The following POU2AF3 variants were observed in gnomAD, a reference collection of about 807,000 sequenced individuals.
POU2AF3 encodes the protein POU class 2 homeobox associating factor 3.
the POU2AF3 span, among the ~76,000 whole-genome samples, chr11:111,302,615 C>T: frequency 2.0e-5 from 3 of 152,108 alleles, no homozygotes; most frequent in Non-Finnish European, 4.4e-5. Context: ...AGTAGTTTGA[C>T]TTATTTAAAT....
the POU2AF3 span, chr11:111,299,673 C>A: frequency 8.1e-7 from 1 of 1,230,952 alleles, no homozygotes; most frequent in East Asian, 3.2e-5. Context: ...CGCGGACTCG[C>A]CCCGGAGCCT....
the POU2AF3 span, chr11:111,306,672 T>A: frequency 7.3e-7 from 1 of 1,369,648 alleles, no homozygotes; most frequent in South Asian, 1.3e-5. Flanking sequence ...AACTATGGGG[T>A]AATAGTGCTT....
chr11:111,298,826 G>GGGGGGC, the POU2AF3 span: 29 of 790,956 alleles, frequency 3.7e-5, no homozygotes, highest in Non-Finnish European at 4.7e-5. Flanking sequence ...CGTACCCCAG[G>GGGGGGC]CCCCCGCCCG....
At chr11:111,299,803 C>A in the POU2AF3 span, 2,386 of 1,072,100 alleles carry the variant, frequency 2.2e-3, 26 homozygotes, top group Non-Finnish European at 1.7e-3. Context: ...GCGGAAAAGG[C>A]GGAGAAAAGG....
chr11:111,304,102 G>A, the POU2AF3 span, among the ~76,000 whole-genome samples: 1 of 152,042 alleles, frequency 6.6e-6, no homozygotes, highest in South Asian at 2.1e-4. Flanking sequence ...TAGAATGAAA[G>A]TAGGTTCCAA....
chr11:111,305,476 C>T, the POU2AF3 span, among the ~76,000 whole-genome samples: 1 of 152,194 alleles, frequency 6.6e-6, no homozygotes. Flanking sequence ...ATTACATAAA[C>T]ACTCCTACCT....
chr11:111,308,533 T>C, the POU2AF3 span: 3 of 1,275,250 alleles, frequency 2.4e-6, no homozygotes, highest in East Asian at 2.5e-5. Flanking sequence ...TAACACAATA[T>C]CCCAAGCACA....
the POU2AF3 span, chr11:111,306,448 G>A: frequency 6.7e-7 from 1 of 1,494,492 alleles, no homozygotes; most frequent in East Asian, 2.5e-5. Context: ...TTGCAACGGG[G>A]AGAATTTTCC....
the POU2AF3 span, among the ~76,000 whole-genome samples, chr11:111,301,796 T>C: frequency 1.3e-5 from 2 of 152,214 alleles, no homozygotes; most frequent in African/African-American, 2.4e-5. Flanking sequence ...GCTCAATAAA[T>C]GTTAGTTGTC....
chr11:111,303,260 CACA>C, the POU2AF3 span, among the ~76,000 whole-genome samples: 3 of 86,808 alleles, frequency 3.5e-5, 1 homozygote, highest in East Asian at 1.1e-3. Flanking sequence ...CACACACAGA[CACA>C]CACACACTTG....
the POU2AF3 span, chr11:111,300,300 A>G: frequency 3.1e-6 from 1 of 326,384 alleles, no homozygotes; most frequent in Non-Finnish European, 5.5e-6. Context: ...GGCCCCACAA[A>G]TTTCCACGGA....
chr11:111,303,031 T>A, the POU2AF3 span, among the ~76,000 whole-genome samples: 1 of 152,176 alleles, frequency 6.6e-6, no homozygotes, highest in African/African-American at 2.4e-5. Flanking sequence ...TGGCAAGAAA[T>A]CTATCTTAAT....
chr11:111,303,526 G>A, the POU2AF3 span, among the ~76,000 whole-genome samples: 1 of 152,254 alleles, frequency 6.6e-6, no homozygotes, highest in East Asian at 1.9e-4. Context: ...GAGATAACAT[G>A]GGGTGGAGGC....
chr11:111,299,290 C>G, the POU2AF3 span: 1 of 986,996 alleles, frequency 1.0e-6, no homozygotes, highest in Non-Finnish European at 1.2e-6. Context: ...CGGTCACCCT[C>G]GGCCGCCGCA....
chr11:111,299,748 G>A, the POU2AF3 span: 1 of 1,227,380 alleles, frequency 8.1e-7, no homozygotes, highest in African/African-American at 1.6e-5. Context: ...GGAAGAAGGG[G>A]AGAGTAGGAG....
chr11:111,300,493 G>GCCAGGGT, the POU2AF3 span: 1 of 1,127,106 alleles, frequency 8.9e-7, no homozygotes, highest in African/African-American at 1.6e-5. Context: ...CCCAGACCTT[G>GCCAGGGT]GACTCGACCA....
chr11:111,298,828 C>CGGGGCG, the POU2AF3 span: 6 of 411,064 alleles, frequency 1.5e-5, no homozygotes, highest in Non-Finnish European at 2.0e-5. Flanking sequence ...TACCCCAGGC[C>CGGGGCG]CCCGCCCGCC....
the POU2AF3 span, chr11:111,300,604 G>A: frequency 4.1e-6 from 5 of 1,231,920 alleles, no homozygotes; most frequent in Non-Finnish European, 5.1e-6. Flanking sequence ...GGCACACCAG[G>A]CGGCCTCCGG....
the POU2AF3 span, chr11:111,298,826 G>GCGGGGGGGGGGGGC: frequency 1.3e-6 from 1 of 790,962 alleles, no homozygotes. Context: ...CGTACCCCAG[G>GCGGGGGGGGGGGGC]CCCCCGCCCG....
Sources: gnomAD v4.1 joint callset for allele counts (sites outside exome capture counted in the v4.1 genomes callset) on GRCh38, gnomAD v4.1.1 for gene constraint, MANE v1.5 for transcripts, NCBI Gene and HGNC (gene_info 2026-07-23, HGNC 2026-07-21) for gene names.